Variants in HEATR4 observed in about 807,000 individuals in gnomAD.
HEATR4 encodes HEAT repeat-containing protein 4.
In HEATR4, 95 loss-of-function variants were observed where a neutral mutation model predicts 108.8. The ratio of observed to expected loss-of-function variants is 0.87; its 90% CI spans 0.74 to 1.04. The LOEUF (loss-of-function observed/expected upper bound fraction) is 1.04. HEATR4 is among the 50% of genes least tolerant of loss of function. The pLI is 0.00. For missense variants in HEATR4, 1,152 were observed against 1,253.8 expected (o/e 0.92, Z 1.23); for synonymous variants, 443 against 459.4 (o/e 0.96, Z 0.46).
chr14:73,507,409 G>A (rs772642608), intron 9 of HEATR4, among the ~76,000 whole-genome samples: 1 of 151,968 alleles, frequency 6.6e-6, no homozygotes, highest in African/African-American at 2.4e-5. Flanking sequence ...CAACCCAACC[G>A]GCTGCATTTT....
At chr14:73,485,400 T>C (rs964901398) in intron 17 of HEATR4, among the ~76,000 whole-genome samples, 3 of 138,568 alleles carry the variant, frequency 2.2e-5, no homozygotes, top group Non-Finnish European at 4.6e-5. Context: ...TACACATGGG[T>C]GAATTTTTTT....
At chr14:73,566,326 T>G in the HEATR4 span, among the ~76,000 whole-genome samples, 1 of 152,088 alleles carries the variant, frequency 6.6e-6, no homozygotes, top group African/African-American at 2.4e-5. Flanking sequence ...TCCCGCACCG[T>G]GAGCCCACAC....
At chr14:73,593,972 C>T in the HEATR4 span, 34 of 1,398,026 alleles carry the variant, frequency 2.4e-5, no homozygotes, top group Non-Finnish European at 3.2e-5. Flanking sequence ...TAACCTTTAC[C>T]ACGTGCAGAA....
chr14:73,566,386 C>T, the HEATR4 span, among the ~76,000 whole-genome samples: 23 of 152,130 alleles, frequency 1.5e-4, no homozygotes, highest in African/African-American at 5.1e-4. Flanking sequence ...GAGCAGGGGG[C>T]GGCGCTCGTC....
the HEATR4 span, among the ~76,000 whole-genome samples, chr14:73,590,654 T>G: frequency 1.3e-5 from 2 of 152,030 alleles, no homozygotes; most frequent in African/African-American, 2.4e-5. Flanking sequence ...CGCTGAGAAA[T>G]CGAGCACAGC....
intron 1 of HEATR4, chr14:73,531,046 T>TA (rs1888681163): frequency 9.6e-6 from 1 of 103,688 alleles, no homozygotes. Flanking sequence ...TTTTGACACC[T>TA]AATCCAAAGT....
the HEATR4 span, among the ~76,000 whole-genome samples, chr14:73,605,853 G>A: frequency 6.6e-6 from 1 of 152,038 alleles, no homozygotes; most frequent in Non-Finnish European, 1.5e-5. Context: ...TTACAGGCAT[G>A]AGCCACAGTG....
the HEATR4 span, chr14:73,613,062 G>C: frequency 1.6e-6 from 1 of 624,800 alleles, no homozygotes; most frequent in Non-Finnish European, 2.5e-6. Context: ...GTCGAGCTCT[G>C]CGACCCCCAC....
At chr14:73,592,392 C>G in the HEATR4 span, 3 of 1,545,092 alleles carry the variant, frequency 1.9e-6, no homozygotes, top group Non-Finnish European at 2.6e-6. Flanking sequence ...GGGCCGGGTG[C>G]GCGCCACGCT....
chr14:73,606,379 CA>C, the HEATR4 span, among the ~76,000 whole-genome samples: 3,154 of 87,078 alleles, frequency 0.036, 118 homozygotes, highest in African/African-American at 0.15. Context: ...ACAAACAAAA[CA>C]AAACAAAAAA....
chr14:73,621,023 A>G, the HEATR4 span, among the ~76,000 whole-genome samples: 2 of 151,794 alleles, frequency 1.3e-5, no homozygotes, highest in Non-Finnish European at 2.9e-5. Context: ...GGCCAACATG[A>G]TGAAATGATG....
At chr14:73,629,169 T>A in the HEATR4 span, among the ~76,000 whole-genome samples, 1 of 152,266 alleles carries the variant, frequency 6.6e-6, no homozygotes, top group Non-Finnish European at 1.5e-5. Context: ...AGCAAAAAGA[T>A]TACGACCCAC....
At chr14:73,555,851 C>CAA (rs1889384687) in intron 1 of HEATR4, among the ~76,000 whole-genome samples, 1 of 111,688 alleles carries the variant, frequency 9.0e-6, no homozygotes, top group Admixed American at 1.0e-4. Flanking sequence ...ACTAAAAATA[C>CAA]AAAATTAGCC....
upstream of HEATR4, among the ~76,000 whole-genome samples, chr14:73,562,782 T>A (rs1476411769): frequency 6.6e-6 from 1 of 152,020 alleles, no homozygotes; most frequent in Non-Finnish European, 1.5e-5. Flanking sequence ...AACTCCACCC[T>A]GGTAAATTTG....
chr14:73,590,118 C>T, the HEATR4 span, among the ~76,000 whole-genome samples: 4 of 152,210 alleles, frequency 2.6e-5, no homozygotes, highest in Non-Finnish European at 5.9e-5. Context: ...CCACTGCTAG[C>T]TCTGGCAGCC....
intron 3 of HEATR4, among the ~76,000 whole-genome samples, 172 bp downstream of exon 3, chr14:73,522,099 AG>A (rs1175027693): frequency 2.0e-5 from 3 of 152,242 alleles, no homozygotes; most frequent in Non-Finnish European, 4.4e-5. Context: ...GAATGTCAGC[AG>A]TGCAAATTGA....
At chr14:73,615,664 C>T in the HEATR4 span, among the ~76,000 whole-genome samples, 2 of 151,432 alleles carry the variant, frequency 1.3e-5, no homozygotes, top group South Asian at 4.2e-4. Flanking sequence ...CGGGGGGAGA[C>T]GGAGGTTGCA....
At chr14:73,536,513 CT>C (rs1269390598) in intron 1 of HEATR4, among the ~76,000 whole-genome samples, 1 of 54,602 alleles carries the variant, frequency 1.8e-5, no homozygotes, top group South Asian at 8.3e-4. Flanking sequence ...GACCCTGTCT[CT>C]TTAAAAAAAA....
intron 4 of HEATR4, 58 bp from the exon 5 acceptor site, chr14:73,519,221 T>C: frequency 6.5e-7 from 1 of 1,540,172 alleles, no homozygotes; most frequent in Non-Finnish European, 8.8e-7. Flanking sequence ...CCTTTCTCCC[T>C]GGGTTCCTAA....
Sources: allele counts gnomAD v4.1 joint callset (sites outside exome capture counted in the v4.1 genomes callset), GRCh38; gene constraint gnomAD v4.1.1; transcripts MANE v1.5; gene names NCBI Gene and HGNC (gene_info 2026-07-23, HGNC 2026-07-21).